The following THOC6 variants were observed in gnomAD, a reference collection of about 807,000 sequenced individuals.
The protein encoded by THOC6 is THO complex subunit 6, also known as THO complex 6.
In THOC6, 39 loss-of-function variants were observed where a neutral mutation model predicts 55.8. The observed-to-expected ratio is 0.70, with a 90% CI of 0.54 to 0.91. THOC6 has a LOEUF of 0.91. Ranked by LOEUF, THOC6 falls within the 40% of genes least tolerant of loss-of-function variation. The pLI, the probability that THOC6 is intolerant of heterozygous loss-of-function variation, is 0.00. For synonymous variants in THOC6, 192 were observed against 175.6 expected (o/e 1.09, Z -0.74); for missense variants, 482 against 442.0 (o/e 1.09, Z -0.81).
intron 1 of THOC6, among the ~76,000 whole-genome samples, 182 bp from the exon 2 acceptor site, chr16:3,025,526 C>T (rs1229511488): frequency 6.6e-6 from 1 of 152,262 alleles, no homozygotes; most frequent in Non-Finnish European, 1.5e-5. Flanking sequence ...TCTTCAGTGT[C>T]TTCTTGGAGC....
chr16:3,025,084 A>G (rs1056198339), intron 1 of THOC6, among the ~76,000 whole-genome samples: 2 of 151,526 alleles, frequency 1.3e-5, no homozygotes, highest in African/African-American at 2.4e-5. Context: ...CTGAGATTAC[A>G]GGCATGCGCC....
chr16:3,024,476 G>GGGACTC, intron 1 of THOC6, 111 bp downstream of exon 1: 1 of 1,389,970 alleles, frequency 7.2e-7, no homozygotes, highest in Non-Finnish European at 1.0e-6. Flanking sequence ...GGCTATTTGT[G>GGGACTC]GGACTCAGAC....
intron 1 of THOC6, among the ~76,000 whole-genome samples, chr16:3,024,613 T>A (rs1235593550): frequency 5.4e-5 from 8 of 149,476 alleles, no homozygotes; most frequent in East Asian, 1.9e-4. Flanking sequence ...TTTTTTTTTT[T>A]AATTTTCTAG....
In THOC6 at chr16:3,026,725, G is replaced by C; in HGVS notation, c.530G>C (p.Arg177Pro). 2 of 1,613,882 alleles carry C rather than the reference G, an allele frequency of 1.2e-6. No homozygotes were observed. Among genetic ancestry groups the C allele is most frequent in the Non-Finnish European group, 1.7e-6 (2 of 1,179,914 alleles). Residue 177 changes from arginine (R) to proline (P), a missense_variant, in exon 8 of 13, where the codon CGG (arginine) becomes CCG (proline). Arg to Pro is a moderately radical substitution (Grantham distance 103). Transcript: ENST00000326266. Reference protein sequence around the residue: ...HTDYIHCLALRERSPEVLSGG... With the variant: ...HTDYIHCLALPERSPEVLSGG... ...GACTACATCCACTGCCTGGCACTGC[G>C]GGAAAGGAGCCCAGAGGTGCTGTCA...
Position 3,026,277 on chromosome 16 carries a change from G to C in THOC6, c.351G>C (p.Gln117His), listed in dbSNP as rs1039935753. 2 of 1,614,128 alleles carry C rather than the reference G, an allele frequency of 1.2e-6. No homozygotes were observed. The highest frequency in any genetic ancestry group is 1.7e-6 in the Non-Finnish European group (2 of 1,180,010). The change falls in exon 5 of 13, where the codon CAG becomes CAC. Residue 117 changes from glutamine to histidine, a missense_variant. Physicochemically the swap from Gln to His is conservative, Grantham distance 24. Coordinates refer to ENST00000326266, the MANE Select transcript of THOC6 (RefSeq NM_024339.5). Reference protein sequence around the residue: ...KKGCKELWRRQPPYRTSLEVP... With the variant: ...KKGCKELWRRHPPYRTSLEVP... ...GCTGTAAGGAGCTGTGGCGTCGTCA[G>C]CCTCCATACAGGTGAGCAGGGCCAC...
chr16:3,025,034 C>T (rs2072749944), intron 1 of THOC6, among the ~76,000 whole-genome samples: 1 of 151,144 alleles, frequency 6.6e-6, no homozygotes, highest in South Asian at 2.1e-4. Context: ...CCTCCGCCTC[C>T]CAGATTCAAG....
chr16:3,026,545 C>T lies in THOC6; in HGVS notation c.441C>T (p.Asp147=), dbSNP rs1567416250. 1 of 1,614,150 alleles carries T rather than the reference C, an allele frequency of 6.2e-7. No homozygotes were observed. Among genetic ancestry groups the T allele is most frequent in the East Asian group, 2.2e-5 (1 of 44,882 alleles). The change falls in exon 7 of 13, where the codon GAC becomes GAT. Residue 147 remains aspartate, a synonymous_variant. Coordinates refer to ENST00000326266, the MANE Select transcript of THOC6 (RefSeq NM_024339.5). ...ATTCCCTCATCCTGGCTGGGGGAGA[C>T]TGTCAGTTGCACACTATGGACCTTG... The part of the protein sequence containing the change: ...KENSLILAGG[D]CQLHTMDLET...
chr16:3,024,074 C>G lies in THOC6; in HGVS notation c.-253C>G. ...CTGCGCGGGCGCGGAAGACGGGCGGCGCGTGGCGGAAGGCAGGCTTGCTCC... is the reference window on the plus strand; with the variant it reads ...CTGCGCGGGCGCGGAAGACGGGCGGGGCGTGGCGGAAGGCAGGCTTGCTCC... On this transcript the variant is annotated 5_prime_UTR_variant, in exon 1 of 13. Coordinates refer to ENST00000326266, the MANE Select transcript of THOC6 (RefSeq NM_024339.5). 3.7e-6 allele frequency: 3 copies of G among 800,782 alleles called. No homozygotes were observed. Among genetic ancestry groups the G allele is most frequent in the South Asian group, 3.6e-5 (2 of 56,022 alleles). 49.6% of individuals were successfully genotyped at this position (800,782 alleles called of 1,614,324 possible). A position where few individuals can be genotyped will look rare whatever the true frequency, so the allele number is the denominator to read the frequency against.
rs1239908155 is a variant in THOC6, at chr16:3,024,038, G to A, written c.-289G>A. ...ATGGGCGTGGCTTTAGGCGGGCACA[G>A]CCGCGAGGTTCTGCGCGGGCGCGGA... On this transcript the variant is annotated 5_prime_UTR_variant, in exon 1 of 13. Transcript: ENST00000326266. 2.9e-6 allele frequency: 3 copies of A among 1,017,352 alleles called. No individual in the cohort carries two copies. The highest frequency in any genetic ancestry group is 4.2e-6 in the Non-Finnish European group (3 of 709,010). 63.0% of individuals were successfully genotyped at this position (1,017,352 alleles called of 1,614,324 possible).
chr16:3,026,503 T>A lies in THOC6; in HGVS notation c.412-13T>A. On this transcript the variant is annotated splice_polypyrimidine_tract_variant and intron_variant, in intron 6 of 12. Coordinates refer to ENST00000326266, the MANE Select transcript of THOC6 (RefSeq NM_024339.5). ...TTGACATTGACTTTCTGCCTCATCC[T>A]GCTCCTCCACAGGAGAATTCCCTCA... 1 of 1,614,158 alleles carries A rather than the reference T, an allele frequency of 6.2e-7. No homozygotes were observed.
At chr16:3,025,398 T>A (rs1203200951) in intron 1 of THOC6, among the ~76,000 whole-genome samples, 1 of 152,230 alleles carries the variant, frequency 6.6e-6, no homozygotes, top group Non-Finnish European at 1.5e-5. Context: ...GTCTATACAC[T>A]AGCTCATCTA....
At chr16:3,025,079 AT>A (rs909925993) in intron 1 of THOC6, among the ~76,000 whole-genome samples, 5 of 150,876 alleles carry the variant, frequency 3.3e-5, no homozygotes, top group African/African-American at 9.8e-5. Context: ...AGTAGCTGAG[AT>A]TACAGGCATG....
Position 3,024,107 on chromosome 16 carries a change from G to T in THOC6, c.-220G>T, listed in dbSNP as rs1032781754. The T allele has an allele frequency of 2.8e-6, 2 of 712,620 alleles. No individual in the cohort carries two copies. The highest frequency in any genetic ancestry group is 2.7e-5 in the East Asian group (1 of 36,874). The allele number at this position is 712,620 out of a possible 1,614,324, so 44.1% of individuals were successfully genotyped here. ...GGAAGGCAGGCTTGCTCCTCGGGGT[G>T]GGGGAGGGTATCCGGCTTAAGGGGG... On this transcript the variant is annotated 5_prime_UTR_variant, in exon 1 of 13. Coordinates refer to ENST00000326266, the MANE Select transcript of THOC6 (RefSeq NM_024339.5).
chr16:3,026,971 C>G, intron 9 of THOC6, 40 bp from the exon 10 acceptor site: 1 of 1,614,168 alleles, frequency 6.2e-7, no homozygotes, highest in Non-Finnish European at 8.5e-7. Context: ...TTGAATTCTC[C>G]AGGTCTTCAC....
Position 3,027,677 on chromosome 16 carries a change from C to G in THOC6, c.*20C>G, listed in dbSNP as rs752247917. On this transcript the variant is annotated 3_prime_UTR_variant, in exon 13 of 13. Transcript: ENST00000326266. ...TTCTGATCTCTGACGACACCCCCAGCCAGCTCAGGGTTTTAGAGTGTTTTT... is the reference window on the plus strand; with the variant it reads ...TTCTGATCTCTGACGACACCCCCAGGCAGCTCAGGGTTTTAGAGTGTTTTT... The G allele has an allele frequency of 3.1e-5, 50 of 1,609,344 alleles. No homozygotes were observed. The highest frequency in any genetic ancestry group is 4.2e-5 in the Non-Finnish European group (50 of 1,178,098).
At chr16:3,026,211 A>AGAG (rs1236250597) in intron 4 of THOC6, 40 bp from the exon 5 acceptor site, 1 of 1,614,048 alleles carries the variant, frequency 6.2e-7, no homozygotes, top group Admixed American at 1.7e-5. Context: ...CTGGACCCAG[A>AGAG]GAGAGCCTTT....
rs542734286 is a variant in THOC6, at chr16:3,025,634, G to A, written c.40-74G>A. On this transcript the variant is annotated intron_variant, in intron 1 of 12. Transcript: ENST00000326266. ...CAGTGGGAGGCCTGGCAGGTTTTGG[G>A]GGAAGCAGGGAGGAATCTGTGGATG... The A allele has an allele frequency of 5.5e-5, 79 of 1,438,994 alleles. 1 individual carries two copies. In the South Asian group the frequency reaches 8.4e-4, roughly 15 times the overall value. 89.1% of individuals were successfully genotyped at this position (1,438,994 alleles called of 1,614,324 possible).
At position 3,027,462 on chromosome 16, in the gene THOC6, C is replaced by T; in HGVS notation, c.907C>T (p.Leu303Phe). The T allele has an allele frequency of 6.2e-7, 1 of 1,610,890 alleles. No individual in the cohort carries two copies. The highest frequency in any genetic ancestry group is 1.1e-5 in the South Asian group (1 of 90,986). Residue 303 changes from leucine (L) to phenylalanine (F), a missense_variant, in exon 12 of 13, where the codon CTC becomes TTC. Leu to Phe is a conservative substitution (Grantham distance 22). Coordinates refer to ENST00000326266, the MANE Select transcript of THOC6 (RefSeq NM_024339.5). ...TGGCTCCTCCCCAGGGCTGCTCAGC[C>T]TCAGCCTCAACCAGCAGCCTGCCGC... ...VPGSSPGLLS[L>F]SLNQQPAAPE...
rs149384272 is a variant in THOC6 at position 3,026,689 on chromosome 16, G to A, written c.494G>A (p.Arg165Gln). ...CCCCTCTACATGCAGAGGGTCCTCC[G>A]GGGCCACACAGACTACATCCACTGC... is the stretch of plus-strand genomic sequence containing the variant. ...LETGTFTRVL[R>Q]GHTDYIHCLA... The change falls in exon 8 of 13, where the codon CGG (arginine) becomes CAG (glutamine). Residue 165 changes from arginine (R) to glutamine (Q), a missense_variant. Physicochemically the swap from Arg to Gln is conservative, Grantham distance 43. Transcript: ENST00000326266. 388 of 1,612,726 alleles carry A rather than the reference G, an allele frequency of 2.4e-4. No individual in the cohort carries two copies. Among genetic ancestry groups the A allele is most frequent in the Non-Finnish European group, 3.1e-4 (363 of 1,179,256 alleles).
Sources: allele counts gnomAD v4.1 joint callset (sites outside exome capture counted in the v4.1 genomes callset), GRCh38; gene constraint gnomAD v4.1.1; transcripts MANE v1.5; gene names NCBI Gene and HGNC (gene_info 2026-07-23, HGNC 2026-07-21).